DCLK1: variants seen among roughly 807,000 people sequenced by gnomAD.
The protein encoded by DCLK1 is serine/threonine-protein kinase DCLK1.
A neutral mutation model predicts 86.2 loss-of-function variants in DCLK1; 16 were observed. That is an observed-to-expected ratio of 0.19 (90% CI 0.13 to 0.28). The LOEUF (loss-of-function observed/expected upper bound fraction) is 0.28, where lower values mean the gene tolerates loss of function less well. Among genes scored for constraint, DCLK1 ranks in the 10% least tolerant of loss-of-function variants. The probability of loss-of-function intolerance (pLI) is 1.00; values close to 1 mark genes in which losing one functional copy is unlikely to be tolerated. For synonymous variants in DCLK1, 369 were observed against 370.5 expected (o/e 1.00, Z 0.05); for missense variants, 590 against 940.2 (o/e 0.63, Z 4.87).
chr13:36,086,599 T>C (rs1485285137), intron 3 of DCLK1, among the ~76,000 whole-genome samples: 1 of 152,052 alleles, frequency 6.6e-6, no homozygotes, highest in Non-Finnish European at 1.5e-5. Flanking sequence ...ATTAGGTATT[T>C]GTCCTAATGC....
intron 4 of DCLK1, among the ~76,000 whole-genome samples, chr13:35,915,950 A>T (rs1341690551): frequency 6.6e-6 from 1 of 152,232 alleles, no homozygotes; most frequent in Admixed American, 6.5e-5. Flanking sequence ...AAGAAGAATA[A>T]GAGTAAGTAT....
intron 4 of DCLK1, among the ~76,000 whole-genome samples, chr13:35,889,628 T>A (rs1873512498): frequency 6.6e-6 from 1 of 152,216 alleles, no homozygotes. Context: ...ATTCATTCCA[T>A]CATCGTTTTC....
At chr13:36,047,527 G>A (rs1437439655) in intron 3 of DCLK1, among the ~76,000 whole-genome samples, 4 of 152,156 alleles carry the variant, frequency 2.6e-5, no homozygotes, top group African/African-American at 9.7e-5. Flanking sequence ...AGGAAATCCT[G>A]TCATTAGCAA....
At chr13:35,840,853 C>G (rs1319806319) in intron 6 of DCLK1, among the ~76,000 whole-genome samples, 3 of 152,176 alleles carry the variant, frequency 2.0e-5, no homozygotes, top group African/African-American at 2.4e-5. Flanking sequence ...TTGTGAAAAC[C>G]TTGTGTTTAT....
intron 11 of DCLK1, among the ~76,000 whole-genome samples, chr13:35,816,980 G>A (rs965867040): frequency 6.6e-6 from 1 of 152,066 alleles, no homozygotes; most frequent in Non-Finnish European, 1.5e-5. Flanking sequence ...TCTCTGACAG[G>A]TTCCACCAAG....
At chr13:36,110,998 T>C (rs1413206889) in intron 3 of DCLK1, among the ~76,000 whole-genome samples, 2 of 146,458 alleles carry the variant, frequency 1.4e-5, no homozygotes, top group Non-Finnish European at 3.0e-5. Flanking sequence ...ACCCAGGTAA[T>C]TTTTTTTTTT....
intron 3 of DCLK1, among the ~76,000 whole-genome samples, chr13:35,978,524 T>C (rs1011094559): frequency 2.0e-5 from 3 of 152,102 alleles, no homozygotes; most frequent in Non-Finnish European, 4.4e-5. Flanking sequence ...CAGTTTTTCA[T>C]TCAATAAGTC....
intron 16 of DCLK1, among the ~76,000 whole-genome samples, chr13:35,789,148 G>A (rs112164825): frequency 4.6e-5 from 7 of 152,208 alleles, no homozygotes; most frequent in Admixed American, 6.5e-5. Context: ...CTGTGTACCC[G>A]CTTCCCCATT....
rs1871077289 is a variant in DCLK1 at position 35,856,652 on chromosome 13, C to T, written c.941-2059G>A. ...CCTTGCTTTAAAAAGCAAAACAAAA[C>T]AATAAAAGCCTGTAAGTATTTAGTA... On this transcript the variant is annotated intron_variant, in intron 5 of 16. Transcript: ENST00000360631. 2.0e-5 allele frequency among the ~76,000 whole-genome samples: 3 copies of T among 152,258 alleles called. No individual in the cohort carries two copies. In the East Asian group the frequency reaches 5.8e-4, roughly 29 times the overall value.
intron 15 of DCLK1, among the ~76,000 whole-genome samples, chr13:35,803,470 T>A (rs1402131370): frequency 1.3e-5 from 2 of 152,178 alleles, no homozygotes; most frequent in African/African-American, 4.8e-5. Flanking sequence ...TGAGAAGCCT[T>A]AAAACAAACC....
At chr13:35,832,308 G>T (rs574265877) in intron 8 of DCLK1, among the ~76,000 whole-genome samples, 1 of 152,228 alleles carries the variant, frequency 6.6e-6, no homozygotes, top group Admixed American at 6.5e-5. Flanking sequence ...TCAAAAAAAG[G>T]TGGTGGTGTG....
At chr13:35,860,835 G>A (rs903535837) in intron 5 of DCLK1, among the ~76,000 whole-genome samples, 3 of 152,172 alleles carry the variant, frequency 2.0e-5, no homozygotes, top group African/African-American at 7.2e-5. Flanking sequence ...GAGGTGATCC[G>A]GGAAAGTGGC....
chr13:35,820,934 A>G lies in DCLK1; in HGVS notation c.1554+1795T>C, dbSNP rs559668456. On this transcript the variant is annotated intron_variant, in intron 11 of 16. Transcript: ENST00000360631. ...GTGCATATTTGTTTCTTGAATGCTT[A>G]TCTTTTCTGCTTCAGCGTCAACTTC... Among the ~76,000 whole-genome samples, 4 of 152,338 alleles carry G rather than the reference A, an allele frequency of 2.6e-5. No individual in the cohort carries two copies. In the East Asian group the frequency reaches 7.7e-4, roughly 29 times the overall value.
intron 3 of DCLK1, among the ~76,000 whole-genome samples, chr13:36,104,645 G>A (rs1481224128): frequency 6.6e-6 from 1 of 151,572 alleles, no homozygotes; most frequent in African/African-American, 2.4e-5. Flanking sequence ...CCAATGCCAG[G>A]CACAGAGAAG....
At chr13:35,832,409 G>A (rs1178888895) in intron 8 of DCLK1, among the ~76,000 whole-genome samples, 2 of 152,190 alleles carry the variant, frequency 1.3e-5, no homozygotes, top group Non-Finnish European at 1.5e-5. Flanking sequence ...TAGAAAAAGA[G>A]TATATGGAGA....
intron 4 of DCLK1, among the ~76,000 whole-genome samples, chr13:35,942,979 G>C (rs1038296942): frequency 2.0e-5 from 3 of 152,212 alleles, no homozygotes; most frequent in Non-Finnish European, 4.4e-5. Flanking sequence ...AATTTGAACA[G>C]CTCCCACCAA....
intron 4 of DCLK1, among the ~76,000 whole-genome samples, chr13:35,900,965 C>T (rs189598659): frequency 8.6e-5 from 13 of 151,892 alleles, no homozygotes; most frequent in African/African-American, 2.4e-4. Flanking sequence ...TTAAACTCAG[C>T]GAAAGGAAAG....
At chr13:35,819,693 A>T (rs1307961169) in intron 11 of DCLK1, among the ~76,000 whole-genome samples, 5 of 152,072 alleles carry the variant, frequency 3.3e-5, no homozygotes, top group Non-Finnish European at 7.4e-5. Context: ...TTATTATAAC[A>T]TTTTCAAAAA....
intron 8 of DCLK1, among the ~76,000 whole-genome samples, chr13:35,831,054 T>G: frequency 6.6e-6 from 1 of 152,154 alleles, no homozygotes; most frequent in Non-Finnish European, 1.5e-5. Flanking sequence ...AGGAAGCAGG[T>G]TCTGTCCTGA....
Sources: allele counts gnomAD v4.1 joint callset (sites outside exome capture counted in the v4.1 genomes callset), GRCh38; gene constraint gnomAD v4.1.1; transcripts MANE v1.5; gene names NCBI Gene and HGNC (gene_info 2026-07-23, HGNC 2026-07-21).